The following PCDHGA4 variants were observed in gnomAD, a reference collection of about 807,000 sequenced individuals.
PCDHGA4 encodes the protein protocadherin gamma subfamily A, 4.
Under a neutral mutation model 54.6 loss-of-function variants are expected in PCDHGA4, and 38 were observed. That is an observed-to-expected ratio of 0.70 (90% CI 0.54 to 0.91). The LOEUF (loss-of-function observed/expected upper bound fraction) is 0.91. PCDHGA4 is among the 40% of genes least tolerant of loss of function. The probability of loss-of-function intolerance (pLI) is 0.00; values close to 1 mark genes in which losing one functional copy is unlikely to be tolerated. For missense variants in PCDHGA4, 1,298 were observed against 1,220.9 expected, an observed-to-expected ratio of 1.06 and a Z score of -0.94; for synonymous variants, 511 against 512.9, an observed-to-expected ratio of 1.00 and a Z score of 0.05.
intron 1 of PCDHGA4, chr5:141,370,545 G>T (rs768607566): frequency 6.2e-7 from 1 of 1,613,866 alleles, no homozygotes; most frequent in Non-Finnish European, 8.5e-7. Flanking sequence ...AGGGAACCTC[G>T]CCAAGGACCT....
chr5:141,399,431 T>C (rs757950073), intron 1 of PCDHGA4: 1 of 1,613,970 alleles, frequency 6.2e-7, no homozygotes, highest in Non-Finnish European at 8.5e-7. Flanking sequence ...ATAAGCGTCA[T>C]CCTACATATC....
At position 141,431,294 on chromosome 5, in the gene PCDHGA4, T is replaced by C; in HGVS notation, c.2515-63513T>C. 1.9e-6 allele frequency: 3 copies of C among 1,614,096 alleles called. No individual in the cohort carries two copies. Among genetic ancestry groups the C allele is most frequent in the Non-Finnish European group, 2.5e-6 (3 of 1,180,026 alleles). ...CGAGCTCAGCCCGAACACTCACTTC[T>C]CCCTCATCGTGCAAAATGGAGCCGA... On this transcript the variant is annotated intron_variant, in intron 1 of 3. Transcript: ENST00000571252. The surrounding 1 kb of genome is among the most constrained non-coding windows in gnomAD (Gnocchi z 4.8).
At chr5:141,444,864 A>G (rs1304165078) in intron 1 of PCDHGA4, among the ~76,000 whole-genome samples, 1 of 152,210 alleles carries the variant, frequency 6.6e-6, no homozygotes, top group African/African-American at 2.4e-5. Context: ...GTCTTACTAC[A>G]GGACAAAGCT....
Position 141,374,382 on chromosome 5 carries a change from C to T in PCDHGA4, c.2514+16761C>T, listed in dbSNP as rs975173370. On this transcript the variant is annotated intron_variant, in intron 1 of 3. Coordinates refer to ENST00000571252, the MANE Select transcript of PCDHGA4 (RefSeq NM_018917.4). ...CGCGAGGAGCTCTGTGCTCAGAGCC[C>T]GCGGTGTCTGGTGAGTTTTAACATC... is the stretch of plus-strand genomic sequence containing the variant. 3.7e-6 allele frequency: 6 copies of T among 1,613,888 alleles called. No individual in the cohort carries two copies. The African/African-American group carries it at 6.7e-5, about 18-fold the overall frequency.
At chr5:141,427,896 C>T in intron 1 of PCDHGA4, 2 of 1,570,508 alleles carry the variant, frequency 1.3e-6, no homozygotes, top group Non-Finnish European at 1.7e-6. Context: ...CCAGGGCTCG[C>T]CCGCGCTCAG....
In PCDHGA4 at chr5:141,355,534, G is replaced by A. The variant is rs1759890654; in HGVS notation, c.427G>A (p.Asp143Asn). The change falls in exon 1 of 4, where the codon GAT becomes AAT. Residue 143 changes from aspartate to asparagine, a missense_variant. By Grantham distance (23) the Asp-to-Asn change is conservative (BLOSUM62 1). Coordinates refer to ENST00000571252, the MANE Select transcript of PCDHGA4 (RefSeq NM_018917.4). ...GACAAACCTGGAGATTCTTCTAGAA[G>A]ATACAGTGAAGATTTTGCGGGTAGA... ...CVTNLEILLE[D>N]TVKILRVEVE... 1.2e-6 allele frequency: 2 copies of A among 1,613,944 alleles called. No individual in the cohort carries two copies. Among genetic ancestry groups the A allele is most frequent in the Non-Finnish European group, 1.7e-6 (2 of 1,179,906 alleles).
rs1446853595 is a variant in PCDHGA4 at position 141,491,363 on chromosome 5, C to A, written c.2515-3444C>A. The A allele has an allele frequency of 1.2e-6, 2 of 1,614,182 alleles. No homozygotes were observed. Among genetic ancestry groups the A allele is most frequent in the South Asian group, 2.2e-5 (2 of 91,082 alleles). On this transcript the variant is annotated intron_variant, in intron 1 of 3. Coordinates refer to ENST00000571252, the MANE Select transcript of PCDHGA4 (RefSeq NM_018917.4). The surrounding 1 kb of genome is among the most constrained non-coding windows in gnomAD (Gnocchi z 6.9). ...ACCGTCAGTCTCTTATCCCTAGTCA[C>A]CTTCACCTTTCTGTCAGCGAAGTGC...
intron 1 of PCDHGA4, among the ~76,000 whole-genome samples, chr5:141,461,838 T>G (rs1592748714): frequency 6.6e-6 from 1 of 151,980 alleles, no homozygotes; most frequent in African/African-American, 2.4e-5. Context: ...TTCTTTTTTT[T>G]TTGAGACAGA....
intron 1 of PCDHGA4, chr5:141,428,018 C>T (rs771831423): frequency 1.9e-6 from 3 of 1,604,570 alleles, no homozygotes; most frequent in Non-Finnish European, 2.6e-6. Flanking sequence ...TAGTGCCACG[C>T]GCCGCAGAGT....
chr5:141,371,208 G>A (rs926435059), intron 1 of PCDHGA4: 2 of 1,613,802 alleles, frequency 1.2e-6, no homozygotes, highest in Admixed American at 1.7e-5. Flanking sequence ...CATGGATGAG[G>A]GCATCAATGC....
chr5:141,430,996 G>T, intron 1 of PCDHGA4: 1 of 1,614,024 alleles, frequency 6.2e-7, no homozygotes, highest in Middle Eastern at 1.6e-4. Flanking sequence ...CCCTGAATCC[G>T]CGCAGCGGCA....
rs1448825972 is a variant in PCDHGA4 at position 141,357,213 on chromosome 5, C to G, written c.2106C>G (p.Val702=). 1.9e-6 allele frequency: 3 copies of G among 1,613,766 alleles called. No individual in the cohort carries two copies. The highest frequency in any genetic ancestry group is 1.3e-5 in the African/African-American group (1 of 74,950). The change falls in exon 1 of 4, where the codon GTC becomes GTG. Residue 702 remains valine, a synonymous_variant. Coordinates refer to ENST00000571252, the MANE Select transcript of PCDHGA4 (RefSeq NM_018917.4). Reference sequence around the variant, plus strand: ...CTGTGGCCGACAGCATCCCAGATGTCCTGGCTGACTTGGGCAGCCTCAAGC... The same window carrying G: ...CTGTGGCCGACAGCATCCCAGATGTGCTGGCTGACTTGGGCAGCCTCAAGC... ...TVAVADSIPD[V]LADLGSLKPS...
chr5:141,383,351 G>C, intron 1 of PCDHGA4: 1 of 1,613,992 alleles, frequency 6.2e-7, no homozygotes, highest in Non-Finnish European at 8.5e-7. Flanking sequence ...CCTGGGGTTC[G>C]GTTTCCGTTA....
intron 1 of PCDHGA4, chr5:141,374,320 G>T (rs1425393222): frequency 1.2e-6 from 2 of 1,613,960 alleles, no homozygotes; most frequent in Admixed American, 3.3e-5. Context: ...CTCTGAATCC[G>T]CGAAACGGCA....
At chr5:141,370,625 G>T (rs984746872) in intron 1 of PCDHGA4, 1 of 1,613,980 alleles carries the variant, frequency 6.2e-7, no homozygotes, top group Non-Finnish European at 8.5e-7. Context: ...TCTTTACCGT[G>T]AGCCCCGAAA....
At chr5:141,404,153 T>G in intron 1 of PCDHGA4, 1 of 1,613,010 alleles carries the variant, frequency 6.2e-7, no homozygotes, top group Non-Finnish European at 8.5e-7. Context: ...AGAAGAAGAT[T>G]ATTACAGATT....
At chr5:141,450,006 CTTTTTT>C (rs1554136305) in intron 1 of PCDHGA4, among the ~76,000 whole-genome samples, 7,115 of 132,964 alleles carry the variant, frequency 0.054, 434 homozygotes, top group African/African-American at 0.14. Flanking sequence ...TGCCATGTCT[CTTTTTT>C]TTTTTTTTTT....
In PCDHGA4 at chr5:141,383,904, C is replaced by T. The variant is rs759650044; in HGVS notation, c.2514+26283C>T. ...GTCTGACAAAGGCAAAAGTACTGAT[C>T]ACAGTTTTAGATGTAAATGATAATG... On this transcript the variant is annotated intron_variant, in intron 1 of 3. Coordinates refer to ENST00000571252, the MANE Select transcript of PCDHGA4 (RefSeq NM_018917.4). The T allele has an allele frequency of 1.1e-5, 18 of 1,613,626 alleles. No homozygotes were observed. The South Asian group carries it at 1.8e-4, about 16-fold the overall frequency.
chr5:141,438,627 T>TAC (rs2098030812), intron 1 of PCDHGA4, among the ~76,000 whole-genome samples: 3 of 48,012 alleles, frequency 6.2e-5, no homozygotes, highest in Non-Finnish European at 1.0e-4. Flanking sequence ...TATATATATA[T>TAC]ATATATATAC....
Sources: allele counts gnomAD v4.1 joint callset (sites outside exome capture counted in the v4.1 genomes callset), GRCh38; gene constraint gnomAD v4.1.1; non-coding constraint Gnocchi (gnomAD v3.1); transcripts MANE v1.5; gene names NCBI Gene and HGNC (gene_info 2026-07-23, HGNC 2026-07-21).